Variants in CSMD1 observed in about 807,000 individuals in gnomAD.
CSMD1 encodes CUB and sushi domain-containing protein 1.
CSMD1 carries 213 observed loss-of-function variants against 417.5 expected under a neutral mutation model. The observed-to-expected ratio is 0.51, with a 90% CI of 0.46 to 0.57. The LOEUF (loss-of-function observed/expected upper bound fraction) is 0.57. Among genes scored for constraint, CSMD1 ranks in the 20% least tolerant of loss-of-function variants. The probability of loss-of-function intolerance (pLI) is 0.00; values close to 1 mark genes in which losing one functional copy is unlikely to be tolerated. For missense variants in CSMD1, 6,923 were observed against 4,529.7 expected, an observed-to-expected ratio of 1.53 and a Z score of -15.17; for synonymous variants, 2,862 against 1,736.8, an observed-to-expected ratio of 1.65 and a Z score of -16.11.
chr8:4,972,103 C>G (rs1182107559), intron 1 of CSMD1, among the ~76,000 whole-genome samples: 3 of 152,110 alleles, frequency 2.0e-5, no homozygotes, highest in East Asian at 1.9e-4. Context: ...TCAAGCCTAT[C>G]TGATAAAAGA....
rs1407699668 is a variant in CSMD1, at chr8:4,461,744, T to TA, written c.303-41680_303-41679insT. ...CTTATTTATTATTTATTTACTTATTTTTTTTTTTTTTTTGGAGATGGAGTC... is the reference window on the plus strand; with the variant it reads ...CTTATTTATTATTTATTTACTTATTTATTTTTTTTTTTTTGGAGATGGAGTC... On this transcript the variant is annotated intron_variant, in intron 2 of 69. Transcript: ENST00000635120. Among the ~76,000 whole-genome samples, 978 of 132,932 alleles carry TA rather than the reference T, an allele frequency of 7.4e-3. 6 individuals are homozygous for TA. Among genetic ancestry groups the TA allele is most frequent in the African/African-American group, 0.023 (806 of 34,738 alleles). 87.2% of individuals were successfully genotyped at this position (132,932 alleles called of 152,430 possible).
chr8:4,782,075 C>G (rs1448699117), intron 1 of CSMD1, among the ~76,000 whole-genome samples: 1 of 152,148 alleles, frequency 6.6e-6, no homozygotes, highest in Non-Finnish European at 1.5e-5. Context: ...ATTACAGTAG[C>G]ACAAGCAGCT....
intron 3 of CSMD1, among the ~76,000 whole-genome samples, chr8:4,267,665 G>A (rs1414485796): frequency 6.6e-6 from 1 of 151,908 alleles, no homozygotes; most frequent in Non-Finnish European, 1.5e-5. Context: ...TTCGTGTTTA[G>A]GCTTTGGCTT....
Position 4,327,598 on chromosome 8 carries a change from C to G in CSMD1, c.415+92355G>C, listed in dbSNP as rs555796040. Among the ~76,000 whole-genome samples, 4 of 151,982 alleles carry G rather than the reference C, an allele frequency of 2.6e-5. No individual in the cohort carries two copies. In the East Asian group the frequency reaches 5.8e-4, roughly 22 times the overall value. On this transcript the variant is annotated intron_variant, in intron 3 of 69. Coordinates refer to ENST00000635120, the MANE Select transcript of CSMD1 (RefSeq NM_033225.6). ...TGTCACTCATACTACAAAGATGTTACCAAGTCAGAAAGGGGAAAAAGCCCC... is the reference window on the plus strand; with the variant it reads ...TGTCACTCATACTACAAAGATGTTAGCAAGTCAGAAAGGGGAAAAAGCCCC...
Position 4,172,209 on chromosome 8 carries a change from A to T in CSMD1, c.416-140110T>A, listed in dbSNP as rs373003468. Among the ~76,000 whole-genome samples the T allele has an allele frequency of 2.6e-5, 4 of 152,170 alleles. No homozygotes were observed. The East Asian group carries it at 5.8e-4, about 22-fold the overall frequency. On this transcript the variant is annotated intron_variant, in intron 3 of 69. Transcript: ENST00000635120. ...GAAAAACTCTACGCCATCTAAAATA[A>T]AACACTGGACCAAGAGAATAGGGTC... is the stretch of plus-strand genomic sequence containing the variant.
intron 3 of CSMD1, among the ~76,000 whole-genome samples, chr8:4,089,617 A>G: frequency 6.6e-6 from 1 of 152,230 alleles, no homozygotes; most frequent in Non-Finnish European, 1.5e-5. Flanking sequence ...TAATAAAATT[A>G]TGTGCACTAT....
intron 18 of CSMD1, among the ~76,000 whole-genome samples, chr8:3,380,700 G>C (rs372956121): frequency 6.6e-6 from 1 of 152,040 alleles, no homozygotes; most frequent in Non-Finnish European, 1.5e-5. Flanking sequence ...GAGAACACAT[G>C]GACACAGGCT....
At chr8:4,057,301 T>C (rs1798746151) in intron 3 of CSMD1, among the ~76,000 whole-genome samples, 1 of 152,238 alleles carries the variant, frequency 6.6e-6, no homozygotes, top group South Asian at 2.1e-4. Flanking sequence ...GAGCATTTTT[T>C]CATGTGCTTT....
Position 3,018,573 on chromosome 8 carries a change from T to A in CSMD1, c.7933A>T (p.Ile2645Leu), listed in dbSNP as rs1319791573. The A allele has an allele frequency of 6.2e-7, 1 of 1,613,450 alleles. No individual in the cohort carries two copies. Among genetic ancestry groups the A allele is most frequent in the Admixed American group, 1.7e-5 (1 of 59,944 alleles). The change falls in exon 52 of 70, where the codon ATA (isoleucine) becomes TTA (leucine). Residue 2645 changes from isoleucine to leucine, a missense_variant. Physicochemically the swap from Ile to Leu is conservative, Grantham distance 5. Transcript: ENST00000635120. The stretch of plus-strand genomic sequence containing the variant: ...GTGTAGCCGGTGTTGCACGTAAATA[T>A]AGCTGTGGCCCCATAAACTGTCAAC... The part of the protein sequence containing the change: ...GTLTVYGATA[I>L]FTCNTGYTLV...
chr8:4,331,049 C>G (rs1357314034), intron 3 of CSMD1, among the ~76,000 whole-genome samples: 1 of 152,192 alleles, frequency 6.6e-6, no homozygotes, highest in Non-Finnish European at 1.5e-5. Flanking sequence ...GATTCAATAA[C>G]TATTTCTTCA....
chr8:3,016,971 C>T (rs1343412189), intron 52 of CSMD1, among the ~76,000 whole-genome samples: 1 of 152,192 alleles, frequency 6.6e-6, no homozygotes, highest in Admixed American at 6.5e-5. Flanking sequence ...CAATAATCCC[C>T]AAGCTGACCC....
chr8:4,772,502 C>T (rs748938047), intron 1 of CSMD1, among the ~76,000 whole-genome samples: 2 of 152,148 alleles, frequency 1.3e-5, no homozygotes, highest in African/African-American at 2.4e-5. Context: ...ATAACATTCA[C>T]AGGATCTGGT....
intron 3 of CSMD1, among the ~76,000 whole-genome samples, chr8:4,322,778 T>G (rs1177266043): frequency 2.6e-5 from 4 of 152,182 alleles, no homozygotes; most frequent in African/African-American, 9.6e-5. Context: ...GCGGATCACT[T>G]GACTTCAGGA....
chr8:3,732,461 A>G (rs1213179446), intron 6 of CSMD1, among the ~76,000 whole-genome samples: 1 of 152,182 alleles, frequency 6.6e-6, no homozygotes, highest in African/African-American at 2.4e-5. Context: ...AGGAATAGTA[A>G]TTTAACTACA....
At chr8:3,226,675 G>C (rs1389832888) in intron 27 of CSMD1, among the ~76,000 whole-genome samples, 1 of 151,600 alleles carries the variant, frequency 6.6e-6, no homozygotes, top group Non-Finnish European at 1.5e-5. Flanking sequence ...GAGGCTTCAT[G>C]GTAGAAGTCA....
chr8:3,544,142 G>C (rs748685814), intron 10 of CSMD1, among the ~76,000 whole-genome samples: 1 of 152,076 alleles, frequency 6.6e-6, no homozygotes, highest in African/African-American at 2.4e-5. Context: ...GGACGTGCTG[G>C]GCTGCATCCC....
chr8:4,506,214 C>T (rs1348702053), intron 2 of CSMD1, among the ~76,000 whole-genome samples: 1 of 152,052 alleles, frequency 6.6e-6, no homozygotes, highest in Non-Finnish European at 1.5e-5. Flanking sequence ...TACTTTTACA[C>T]CAACCTAATA....
chr8:4,085,622 A>G (rs952042231), intron 3 of CSMD1, among the ~76,000 whole-genome samples: 4 of 152,196 alleles, frequency 2.6e-5, no homozygotes, highest in Non-Finnish European at 5.9e-5. Flanking sequence ...CCTCACGGGA[A>G]CTGTGCTAAG....
chr8:3,529,738 G>T (rs1230294489), intron 10 of CSMD1, among the ~76,000 whole-genome samples: 1 of 152,082 alleles, frequency 6.6e-6, no homozygotes. Context: ...TTACTCACAG[G>T]AAACGGAATT....
Sources: gnomAD v4.1 joint callset for allele counts (sites outside exome capture counted in the v4.1 genomes callset) on GRCh38, gnomAD v4.1.1 for gene constraint, MANE v1.5 for transcripts, NCBI Gene and HGNC (gene_info 2026-07-23, HGNC 2026-07-21) for gene names.